Variants in FGGY observed in about 807,000 individuals in gnomAD.
FGGY encodes the protein FGGY carbohydrate kinase domain-containing protein.
A neutral mutation model predicts 71.3 loss-of-function variants in FGGY; 72 were observed. The observed-to-expected ratio is 1.01, with a 90% CI of 0.84 to 1.23. The LOEUF is 1.23. FGGY is among the 50% of genes most tolerant of loss of function. FGGY has a pLI of 0.00. For missense variants in FGGY, 668 were observed against 682.3 expected (o/e 0.98, Z 0.23); for synonymous variants, 251 against 250.3 (o/e 1.00, Z -0.02).
intron 8 of FGGY, among the ~76,000 whole-genome samples, chr1:59,577,222 A>G (rs970588981): frequency 6.6e-6 from 1 of 152,220 alleles, no homozygotes; most frequent in East Asian, 1.9e-4. Flanking sequence ...GCCAGTTGAT[A>G]GACTTTGCCC....
At chr1:59,616,066 A>G (rs527784899) in intron 9 of FGGY, among the ~76,000 whole-genome samples, 131 of 152,300 alleles carry the variant, frequency 8.6e-4, no homozygotes, top group African/African-American at 3.1e-3. Flanking sequence ...ACCATTGTGG[A>G]AGTCAGTGTG....
intron 14 of FGGY, chr1:59,697,785 C>A (rs2097674900): frequency 6.1e-6 from 6 of 982,792 alleles, no homozygotes; most frequent in Admixed American, 3.1e-5. Context: ...TGTGCCCCTC[C>A]ACATCACCCC....
intron 11 of FGGY, among the ~76,000 whole-genome samples, chr1:59,651,720 T>C (rs1311370247): frequency 1.3e-5 from 2 of 150,734 alleles, no homozygotes; most frequent in Non-Finnish European, 1.5e-5. Flanking sequence ...TGCCAGTCTG[T>C]GTCTTTCAAT....
chr1:59,346,346 G>C lies in FGGY; in HGVS notation c.413G>C (p.Gly138Ala), dbSNP rs779045174. Reference protein sequence around the residue: ...ETKHSVLQYVGGVMSVEMQAP... With the variant: ...ETKHSVLQYVAGVMSVEMQAP... ...AAGCACAGTGTCCTCCAGTACGTCG[G>C]GGGGGTGATGTCTGTGGAAATGCAG... The change falls in exon 4 of 16, where the codon GGG (glycine) becomes GCG (alanine). Residue 138 changes from glycine to alanine, a missense_variant. This residue lies in a region of FGGY where 661 missense variants were observed against 661.6 expected (regional missense o/e 1.00). Transcript: ENST00000303721. 1.1e-5 allele frequency: 18 copies of C among 1,611,918 alleles called. No individual in the cohort carries two copies. The highest frequency in any genetic ancestry group is 1.4e-5 in the Non-Finnish European group (17 of 1,179,672).
intron 7 of FGGY, among the ~76,000 whole-genome samples, chr1:59,521,397 C>T (rs1370604789): frequency 6.6e-6 from 1 of 152,144 alleles, no homozygotes; most frequent in African/African-American, 2.4e-5. Flanking sequence ...CTGGCCTTAG[C>T]TGAGAGACCA....
In FGGY at chr1:59,374,221, A is replaced by G. The variant is rs183202206; in HGVS notation, c.466-4528A>G. 3.6e-3 allele frequency among the ~76,000 whole-genome samples: 545 copies of G among 152,226 alleles called. 4 individuals carry two copies. Among genetic ancestry groups the G allele is most frequent in the African/African-American group, 0.012 (505 of 41,498 alleles). ...CAAATTTACAAGAAAAAAACAAGCA[A>G]CCCCATCAAAAAGTGGGTGCAGGAC... is the stretch of plus-strand genomic sequence containing the variant. On this transcript the variant is annotated intron_variant, in intron 4 of 15. Coordinates refer to ENST00000303721, the MANE Select transcript of FGGY (RefSeq NM_018291.5).
intron 8 of FGGY, among the ~76,000 whole-genome samples, chr1:59,602,799 C>T (rs1214990362): frequency 1.3e-5 from 2 of 152,192 alleles, no homozygotes; most frequent in South Asian, 2.1e-4. Flanking sequence ...TGGGCTCGTA[C>T]TGCACTCCTC....
intron 14 of FGGY, among the ~76,000 whole-genome samples, chr1:59,749,212 G>A (rs114378307): frequency 4.8e-4 from 73 of 152,176 alleles, no homozygotes; most frequent in African/African-American, 1.7e-3. Flanking sequence ...TAATAAACTG[G>A]TAATAGTAAG....
intron 9 of FGGY, among the ~76,000 whole-genome samples, chr1:59,609,904 A>G (rs1374673180): frequency 6.6e-6 from 1 of 152,222 alleles, no homozygotes; most frequent in African/African-American, 2.4e-5. Context: ...TAAGGAGCTC[A>G]TACTTGGATG....
intron 7 of FGGY, among the ~76,000 whole-genome samples, chr1:59,525,097 C>T (rs965289948): frequency 2.6e-5 from 4 of 152,366 alleles, no homozygotes; most frequent in Non-Finnish European, 5.9e-5. Context: ...GTGCCCATAG[C>T]AGAAGCCCCA....
At chr1:59,356,882 G>T (rs923162827) in intron 4 of FGGY, among the ~76,000 whole-genome samples, 6 of 152,094 alleles carry the variant, frequency 3.9e-5, no homozygotes, top group Non-Finnish European at 8.8e-5. Flanking sequence ...ACTCCTCTGG[G>T]CCTCTCCACT....
At chr1:59,517,098 G>C (rs2094677468) in intron 7 of FGGY, among the ~76,000 whole-genome samples, 7 of 152,010 alleles carry the variant, frequency 4.6e-5, no homozygotes, top group Admixed American at 3.9e-4. Flanking sequence ...CTTTGTGGGG[G>C]TGGTTCTGGC....
rs533296873 is a variant in FGGY at position 59,368,356 on chromosome 1, A to T, written c.466-10393A>T. Among the ~76,000 whole-genome samples the T allele has an allele frequency of 2.0e-5, 3 of 152,334 alleles. No individual in the cohort carries two copies. The East Asian group carries it at 5.8e-4, about 29-fold the overall frequency. ...CATTATGACATTTCCAAAAGGCCCA[A>T]AATCACACCTCTGATTGGACTGGGA... is the stretch of plus-strand genomic sequence containing the variant. On this transcript the variant is annotated intron_variant, in intron 4 of 15. Transcript: ENST00000303721.
At chr1:59,686,684 A>C (rs1196801457) in intron 14 of FGGY, among the ~76,000 whole-genome samples, 2 of 152,062 alleles carry the variant, frequency 1.3e-5, no homozygotes, top group Non-Finnish European at 2.9e-5. Flanking sequence ...GAGGAGTTTC[A>C]TATTCAGCTT....
intron 6 of FGGY, among the ~76,000 whole-genome samples, chr1:59,511,542 T>G (rs1212581928): frequency 6.6e-6 from 1 of 152,198 alleles, no homozygotes; most frequent in Non-Finnish European, 1.5e-5. Context: ...GGTTCTTATC[T>G]TGTCTTCCTA....
At chr1:59,410,117 A>G (rs1316985494) in intron 5 of FGGY, among the ~76,000 whole-genome samples, 1 of 152,224 alleles carries the variant, frequency 6.6e-6, no homozygotes, top group African/African-American at 2.4e-5. Context: ...ATATGTGGCA[A>G]TCAATGCAAA....
At chr1:59,479,192 C>T (rs961936227) in intron 6 of FGGY, among the ~76,000 whole-genome samples, 1 of 152,046 alleles carries the variant, frequency 6.6e-6, no homozygotes, top group Non-Finnish European at 1.5e-5. Flanking sequence ...CAAGCCAAGA[C>T]AGGTGTCAGG....
At chr1:59,401,213 T>A (rs932037570) in intron 5 of FGGY, among the ~76,000 whole-genome samples, 1 of 152,250 alleles carries the variant, frequency 6.6e-6, no homozygotes, top group East Asian at 1.9e-4. Flanking sequence ...AATGTCAGCA[T>A]TGATAACATT....
chr1:59,713,236 A>G (rs1423164439), intron 14 of FGGY, among the ~76,000 whole-genome samples: 1 of 152,188 alleles, frequency 6.6e-6, no homozygotes, highest in Non-Finnish European at 1.5e-5. Context: ...TCATATCACT[A>G]TCAGCATTTT....
Sources: gnomAD v4.1 joint callset for allele counts (sites outside exome capture counted in the v4.1 genomes callset) on GRCh38, gnomAD v4.1.1 for gene constraint, gnomAD v4.1.1 regional missense constraint, MANE v1.5 for transcripts, NCBI Gene and HGNC (gene_info 2026-07-23, HGNC 2026-07-21) for gene names.